UBE2E2: variants seen among roughly 807,000 people sequenced by gnomAD.
UBE2E2 encodes the protein ubiquitin conjugating enzyme E2 E2.
UBE2E2 carries 6 observed loss-of-function variants against 24.7 expected under a neutral mutation model. That is an observed-to-expected ratio of 0.24 (90% confidence interval 0.13 to 0.48). The LOEUF is 0.48. Ranked by LOEUF, UBE2E2 falls within the 20% of genes least tolerant of loss-of-function variation. UBE2E2 has a pLI of 0.99. For synonymous variants in UBE2E2, 104 were observed against 83.6 expected, an observed-to-expected ratio of 1.24 and a Z score of -1.33; for missense variants, 169 against 245.0, an observed-to-expected ratio of 0.69 and a Z score of 2.07.
At chr3:23,575,985 C>G (rs1416814071) in intron 5 of UBE2E2, among the ~76,000 whole-genome samples, 1 of 152,102 alleles carries the variant, frequency 6.6e-6, no homozygotes, top group Non-Finnish European at 1.5e-5. Context: ...ATGCGAGTTG[C>G]AGAATGTCTG....
intron 3 of UBE2E2, among the ~76,000 whole-genome samples, chr3:23,299,541 ACC>A (rs1184447436): frequency 1.3e-5 from 2 of 151,688 alleles, no homozygotes; most frequent in Non-Finnish European, 2.9e-5. Context: ...TTCGTTATGT[ACC>A]CAGTAGTCAT....
intron 4 of UBE2E2, among the ~76,000 whole-genome samples, chr3:23,532,068 A>C (rs1426589394): frequency 6.6e-6 from 1 of 151,796 alleles, no homozygotes; most frequent in Non-Finnish European, 1.5e-5. Context: ...TCTCAAAAAA[A>C]AAAAAAAAGA....
intron 4 of UBE2E2, among the ~76,000 whole-genome samples, chr3:23,527,683 A>G (rs112001054): frequency 6.6e-6 from 1 of 152,100 alleles, no homozygotes; most frequent in African/African-American, 2.4e-5. Flanking sequence ...CTAATGACCA[A>G]TGATTTAAAT....
chr3:23,385,144 T>G (rs1265176425), intron 3 of UBE2E2, among the ~76,000 whole-genome samples: 1 of 152,198 alleles, frequency 6.6e-6, no homozygotes, highest in Non-Finnish European at 1.5e-5. Context: ...AAAGAAATAA[T>G]TTAATACTTT....
At chr3:23,251,642 G>A (rs1187103658) in intron 3 of UBE2E2, among the ~76,000 whole-genome samples, 3 of 152,142 alleles carry the variant, frequency 2.0e-5, no homozygotes, top group Non-Finnish European at 4.4e-5. Flanking sequence ...TTTGTAAAGT[G>A]ATTCATTATT....
At chr3:23,244,576 G>C (rs535525293) in intron 3 of UBE2E2, among the ~76,000 whole-genome samples, 6 of 152,136 alleles carry the variant, frequency 3.9e-5, no homozygotes, top group Non-Finnish European at 5.9e-5. Context: ...AGAGGAAAAC[G>C]TACAGAGAAG....
intron 3 of UBE2E2, among the ~76,000 whole-genome samples, chr3:23,442,772 T>G (rs1419682657): frequency 6.6e-6 from 1 of 152,208 alleles, no homozygotes. Context: ...CTTCCAGAGA[T>G]GCATAGATAA....
At chr3:23,419,514 A>G (rs1475457223) in intron 3 of UBE2E2, among the ~76,000 whole-genome samples, 1 of 152,226 alleles carries the variant, frequency 6.6e-6, no homozygotes, top group Non-Finnish European at 1.5e-5. Context: ...AATAACACAG[A>G]GAAGTGACCC....
chr3:23,468,405 T>TG (rs1229019970), intron 3 of UBE2E2, among the ~76,000 whole-genome samples: 1 of 152,174 alleles, frequency 6.6e-6, no homozygotes, highest in Non-Finnish European at 1.5e-5. Flanking sequence ...CTTGGCATAG[T>TG]GCCAGAAACA....
intron 3 of UBE2E2, among the ~76,000 whole-genome samples, chr3:23,365,814 A>C (rs933660951): frequency 3.3e-5 from 5 of 152,240 alleles, no homozygotes; most frequent in African/African-American, 4.8e-5. Flanking sequence ...AAGCAGTCCT[A>C]AGCAAAAAGA....
intron 3 of UBE2E2, among the ~76,000 whole-genome samples, chr3:23,466,805 G>A (rs913255352): frequency 4.0e-5 from 6 of 151,848 alleles, no homozygotes; most frequent in African/African-American, 1.5e-4. Flanking sequence ...CTGACCTTGT[G>A]ATCCACCCAC....
intron 3 of UBE2E2, among the ~76,000 whole-genome samples, chr3:23,387,212 A>C (rs1461865627): frequency 6.6e-6 from 1 of 152,220 alleles, no homozygotes; most frequent in Non-Finnish European, 1.5e-5. Flanking sequence ...GACTGGTTAT[A>C]GATTTCTGTG....
At chr3:23,471,826 G>A (rs967805962) in intron 3 of UBE2E2, among the ~76,000 whole-genome samples, 8 of 152,090 alleles carry the variant, frequency 5.3e-5, no homozygotes, top group Admixed American at 2.0e-4. Context: ...CACAAAGTGG[G>A]AGACCACATT....
intron 3 of UBE2E2, among the ~76,000 whole-genome samples, chr3:23,446,910 G>T (rs1444622187): frequency 1.3e-5 from 2 of 151,844 alleles, no homozygotes; most frequent in Non-Finnish European, 2.9e-5. Flanking sequence ...CCCCAGTATT[G>T]GTGTAGTTTA....
At chr3:23,498,288 A>G (rs9631541) in intron 3 of UBE2E2, among the ~76,000 whole-genome samples, 33,624 of 152,098 alleles carry the variant, frequency 0.22, 3,824 homozygotes, top group East Asian at 0.37. Flanking sequence ...CTGCAACAGC[A>G]TTTGTTTATT....
chr3:23,417,103 G>A (rs940475244), intron 3 of UBE2E2, among the ~76,000 whole-genome samples: 2 of 152,178 alleles, frequency 1.3e-5, no homozygotes, highest in Non-Finnish European at 2.9e-5. Context: ...CTGGCGAGGA[G>A]TTGTGATCTT....
At chr3:23,229,070 G>C (rs17012852) in intron 3 of UBE2E2, among the ~76,000 whole-genome samples, 19 of 152,042 alleles carry the variant, frequency 1.2e-4, no homozygotes, top group African/African-American at 4.6e-4. Context: ...TCTTTTACCC[G>C]TTTCACCCAG....
At chr3:23,372,764 A>AC (rs1488633827) in intron 3 of UBE2E2, among the ~76,000 whole-genome samples, 1 of 152,158 alleles carries the variant, frequency 6.6e-6, no homozygotes, top group Non-Finnish European at 1.5e-5. Context: ...AAGATTATAG[A>AC]CCAGTTTAAA....
chr3:23,404,671 G>A (rs572555878), intron 3 of UBE2E2, among the ~76,000 whole-genome samples: 1 of 152,182 alleles, frequency 6.6e-6, no homozygotes, highest in East Asian at 1.9e-4. Flanking sequence ...TTTTTGCATA[G>A]CTTTTTGTTC....
Sources: gnomAD v4.1 joint callset for allele counts (sites outside exome capture counted in the v4.1 genomes callset) on GRCh38, gnomAD v4.1.1 for gene constraint, MANE v1.5 for transcripts, NCBI Gene and HGNC (gene_info 2026-07-23, HGNC 2026-07-21) for gene names.